Variants in ANKRD11 observed in about 807,000 individuals in gnomAD.
ANKRD11 encodes ankyrin repeat domain 11.
ANKRD11 carries 17 observed loss-of-function variants against 195.7 expected under a neutral mutation model. The observed-to-expected ratio is 0.09, with a 90% CI of 0.06 to 0.13. The LOEUF (loss-of-function observed/expected upper bound fraction) is 0.13, where lower values mean the gene tolerates loss of function less well. Ranked by LOEUF, ANKRD11 falls within the 10% of genes least tolerant of loss-of-function variation. The probability of loss-of-function intolerance (pLI) is 1.00; values close to 1 mark genes in which losing one functional copy is unlikely to be tolerated. For synonymous variants in ANKRD11, 1,953 were observed against 1,528.1 expected, an observed-to-expected ratio of 1.28 and a Z score of -6.49; for missense variants, 3,735 against 3,566.1, an observed-to-expected ratio of 1.05 and a Z score of -1.21.
intron 6 of ANKRD11, chr16:89,289,026 A>C (rs935733574): frequency 1.1e-5 from 4 of 348,744 alleles, no homozygotes; most frequent in African/African-American, 4.2e-5. Context: ...TTTGCAAAAC[A>C]CGGAGGGGAA....
Position 89,310,816 on chromosome 16 carries a change from T to C in ANKRD11, c.88-5472A>G, listed in dbSNP as rs142507998. 3.9e-5 allele frequency among the ~76,000 whole-genome samples: 6 copies of C among 152,372 alleles called. No individual in the cohort carries two copies. The East Asian group carries it at 9.6e-4, about 24-fold the overall frequency. On this transcript the variant is annotated intron_variant, in intron 3 of 12. Coordinates refer to ENST00000301030, the MANE Select transcript of ANKRD11 (RefSeq NM_013275.6). ...ACCATGCTACGCTCACTGATTCTTG[T>C]AGCTTTTGTGCAGATGTCTTGGGCT... is the stretch of plus-strand genomic sequence containing the variant.
intron 1 of ANKRD11, among the ~76,000 whole-genome samples, chr16:89,477,380 G>T (rs1597533756): frequency 6.6e-6 from 1 of 151,828 alleles, no homozygotes; most frequent in Non-Finnish European, 1.5e-5. Flanking sequence ...CTCTGAGATG[G>T]CGTCTCACTC....
chr16:89,450,313 T>TA (rs2044012075), intron 1 of ANKRD11, among the ~76,000 whole-genome samples: 2 of 152,192 alleles, frequency 1.3e-5, no homozygotes, highest in South Asian at 4.1e-4. Context: ...CCCCATTTTG[T>TA]AAAAAAGCAA....
chr16:89,274,631 G>A, intron 11 of ANKRD11, 183 bp downstream of exon 11: 1 of 887,324 alleles, frequency 1.1e-6, no homozygotes, highest in Non-Finnish European at 1.8e-6. Flanking sequence ...GTCTGCTGCA[G>A]CCTTCTTGGC....
At chr16:89,440,775 G>A (rs530430005) in intron 1 of ANKRD11, among the ~76,000 whole-genome samples, 32 of 152,294 alleles carry the variant, frequency 2.1e-4, no homozygotes, top group Admixed American at 7.2e-4. Flanking sequence ...CTACAGAAAG[G>A]GGGCCACCTG....
chr16:89,342,753 C>T (rs1191281084), intron 2 of ANKRD11, among the ~76,000 whole-genome samples: 1 of 152,156 alleles, frequency 6.6e-6, no homozygotes. Context: ...AAATTAAATA[C>T]TAAATACTCT....
At chr16:89,358,929 G>C (rs896789684) in intron 2 of ANKRD11, among the ~76,000 whole-genome samples, 2 of 152,010 alleles carry the variant, frequency 1.3e-5, no homozygotes, top group African/African-American at 2.4e-5. Flanking sequence ...GGGCTCAAGT[G>C]ATCCTCCCAC....
intron 2 of ANKRD11, among the ~76,000 whole-genome samples, chr16:89,334,729 C>T (rs1016306394): frequency 3.9e-5 from 6 of 152,106 alleles, no homozygotes; most frequent in East Asian, 1.9e-4. Flanking sequence ...CCGCCAACCA[C>T]GTCATACCAC....
intron 2 of ANKRD11, among the ~76,000 whole-genome samples, chr16:89,335,620 C>T (rs1288332900): frequency 6.6e-6 from 1 of 151,960 alleles, no homozygotes; most frequent in African/African-American, 2.4e-5. Flanking sequence ...TGCAAAGCCC[C>T]GTCACACACA....
chr16:89,310,544 C>T (rs2036553898), intron 3 of ANKRD11, among the ~76,000 whole-genome samples: 1 of 152,172 alleles, frequency 6.6e-6, no homozygotes, highest in African/African-American at 2.4e-5. Context: ...AGATGGCATC[C>T]AGTTTTGAGG....
chr16:89,438,224 C>T (rs2043297299), intron 1 of ANKRD11, among the ~76,000 whole-genome samples: 1 of 152,186 alleles, frequency 6.6e-6, no homozygotes, highest in African/African-American at 2.4e-5. Flanking sequence ...CATACACAAA[C>T]ATCAATTTAG....
chr16:89,274,660 C>G, intron 11 of ANKRD11, 154 bp downstream of exon 11: 1 of 1,179,230 alleles, frequency 8.5e-7, no homozygotes, highest in South Asian at 1.2e-5. Context: ...GAGGCTCGCC[C>G]AAGGCTAGAG....
rs72803305 is a variant in ANKRD11, at chr16:89,285,741, G to A, written c.893-92C>T. 0.056 allele frequency: 80,006 copies of A among 1,422,038 alleles called. 2,595 individuals carry two copies. Among genetic ancestry groups the A allele is most frequent in the Non-Finnish European group, 0.065 (65,901 of 1,012,072 alleles). The allele number at this position is 1,422,038 out of a possible 1,614,324, so 88.1% of individuals were successfully genotyped here. On this transcript the variant is annotated intron_variant, in intron 8 of 12. Coordinates refer to ENST00000301030, the MANE Select transcript of ANKRD11 (RefSeq NM_013275.6). The surrounding 1 kb of genome is among the most constrained non-coding windows in gnomAD (Gnocchi z 5.6). ...AGGGAGGCTCTGCAGATGTGTCTGC[G>A]GGAAGGTTCCCACCCTGCCTCTGCA...
chr16:89,420,536 T>C (rs1240134593), intron 1 of ANKRD11: 1 of 152,162 alleles, frequency 6.6e-6, no homozygotes, highest in Non-Finnish European at 1.5e-5. Flanking sequence ...CAGTTAAAAG[T>C]GAAACAAAAC....
intron 1 of ANKRD11, among the ~76,000 whole-genome samples, chr16:89,426,822 G>T (rs1481831168): frequency 6.6e-6 from 1 of 152,208 alleles, no homozygotes; most frequent in Non-Finnish European, 1.5e-5. Context: ...AGAAATCCGG[G>T]AAGCGGCTGT....
At chr16:89,414,002 CTT>C (rs1418892110) in intron 2 of ANKRD11, among the ~76,000 whole-genome samples, 1 of 152,138 alleles carries the variant, frequency 6.6e-6, no homozygotes, top group Non-Finnish European at 1.5e-5. Flanking sequence ...GCTGAGCTGA[CTT>C]CCAGCCCAGC....
intron 2 of ANKRD11, among the ~76,000 whole-genome samples, chr16:89,362,478 T>C (rs887367666): frequency 6.6e-6 from 1 of 152,174 alleles, no homozygotes; most frequent in South Asian, 2.1e-4. Flanking sequence ...GGGACAAGAC[T>C]CAATCCCACG....
intron 2 of ANKRD11, among the ~76,000 whole-genome samples, chr16:89,415,549 C>A (rs1224412326): frequency 1.3e-5 from 2 of 151,838 alleles, no homozygotes; most frequent in African/African-American, 4.8e-5. Flanking sequence ...CAGGTGTGAG[C>A]CACTGCGCCC....
chr16:89,365,857 C>T (rs1407781566), intron 2 of ANKRD11, among the ~76,000 whole-genome samples: 1 of 152,154 alleles, frequency 6.6e-6, no homozygotes, highest in African/African-American at 2.4e-5. Context: ...TCCTCTCCCT[C>T]CTCCACCCCC....
Sources: allele counts gnomAD v4.1 joint callset (sites outside exome capture counted in the v4.1 genomes callset), GRCh38; gene constraint gnomAD v4.1.1; non-coding constraint Gnocchi (gnomAD v3.1); transcripts MANE v1.5; gene names NCBI Gene and HGNC (gene_info 2026-07-23, HGNC 2026-07-21).